Variants in UGT1A8 observed in about 807,000 individuals in gnomAD.
UGT1A8 encodes the protein UDP-glucuronosyltransferase 1A8.
A neutral mutation model predicts 45.3 loss-of-function variants in UGT1A8; 39 were observed. The observed-to-expected ratio is 0.86, with a 90% confidence interval of 0.67 to 1.12. The LOEUF is 1.12. Ranked by LOEUF, UGT1A8 falls within the 50% of genes most tolerant of loss-of-function variation. The probability of loss-of-function intolerance (pLI) is 0.00; values close to 1 mark genes in which losing one functional copy is unlikely to be tolerated. For missense variants in UGT1A8, 719 were observed against 664.9 expected (o/e 1.08, Z -0.90); for synonymous variants, 275 against 249.2 (o/e 1.10, Z -0.97).
chr2:233,729,743 C>T (rs748913597), intron 1 of UGT1A8: 1 of 1,613,994 alleles, frequency 6.2e-7, no homozygotes, highest in Non-Finnish European at 8.5e-7. Context: ...GACCACATGA[C>T]ATTCATGCAA....
At position 233,672,596 on chromosome 2, in the gene UGT1A8, A is replaced by C. The variant is rs774560649; in HGVS notation, c.855+54034A>C. The stretch of plus-strand genomic sequence containing the variant: ...CACTTGGAGGAACATTTATTATGCC[A>C]CCGTTTTTTCAAAAATGCCCTAGAA... On this transcript the variant is annotated intron_variant, in intron 1 of 4. Coordinates refer to ENST00000373450, the MANE Select transcript of UGT1A8 (RefSeq NM_019076.5). 11 of 1,613,858 alleles carry C rather than the reference A, an allele frequency of 6.8e-6. No individual in the cohort carries two copies. In the South Asian group the frequency reaches 1.2e-4, roughly 18 times the overall value.
intron 1 of UGT1A8, among the ~76,000 whole-genome samples, chr2:233,679,183 C>T (rs2074443042): frequency 6.6e-6 from 1 of 152,172 alleles, no homozygotes; most frequent in Admixed American, 6.5e-5. Context: ...ACCATTTTGA[C>T]ACCTTCAGTG....
At chr2:233,638,337 G>A (rs550600475) in intron 1 of UGT1A8, among the ~76,000 whole-genome samples, 1 of 152,122 alleles carries the variant, frequency 6.6e-6, no homozygotes, top group South Asian at 2.1e-4. Context: ...ACTGATTACT[G>A]GTAATTAAAA....
chr2:233,692,722 A>T, intron 1 of UGT1A8: 1 of 845,282 alleles, frequency 1.2e-6, no homozygotes, highest in African/African-American at 1.8e-5. Context: ...AAGTGTTGCT[A>T]TAACTTTTCA....
chr2:233,618,279 C>T lies in UGT1A8; in HGVS notation c.572C>T (p.Pro191Leu). The T allele has an allele frequency of 6.2e-7, 1 of 1,613,904 alleles. No individual in the cohort carries two copies. Among genetic ancestry groups the T allele is most frequent in the East Asian group, 2.2e-5 (1 of 44,870 alleles). Residue 191 changes from proline (P) to leucine (L), a missense_variant, in exon 1 of 5, where the codon CCC becomes CTC. Coordinates refer to ENST00000373450, the MANE Select transcript of UGT1A8 (RefSeq NM_019076.5). ...TGCCCTGCTCCTCTTTCCTATGTCC[C>T]CAGAATTCTCTTAGGGTTCTCAGAT... Reference protein sequence around the residue: ...AQCPAPLSYVPRILLGFSDAM... With the variant: ...AQCPAPLSYVLRILLGFSDAM...
intron 1 of UGT1A8, among the ~76,000 whole-genome samples, chr2:233,715,259 C>G (rs2076441984): frequency 6.6e-6 from 1 of 152,152 alleles, no homozygotes; most frequent in African/African-American, 2.4e-5. Context: ...AAAAAATCCC[C>G]TTACATAACA....
intron 1 of UGT1A8, among the ~76,000 whole-genome samples, chr2:233,643,697 G>A (rs1391133083): frequency 1.3e-5 from 2 of 152,122 alleles, no homozygotes; most frequent in Non-Finnish European, 2.9e-5. Context: ...GCTCACCAAG[G>A]CCCTTGACGT....
intron 1 of UGT1A8, among the ~76,000 whole-genome samples, chr2:233,647,233 A>G (rs954789315): frequency 6.6e-6 from 1 of 152,212 alleles, no homozygotes; most frequent in African/African-American, 2.4e-5. Flanking sequence ...GGGAGTTCCA[A>G]TTCAAGATGA....
At chr2:233,644,329 A>G (rs1257789893) in intron 1 of UGT1A8, among the ~76,000 whole-genome samples, 1 of 152,162 alleles carries the variant, frequency 6.6e-6, no homozygotes, top group Admixed American at 6.5e-5. Flanking sequence ...GCACTTAGGG[A>G]GGCTGAGGTG....
rs546323978 is a variant in UGT1A8, at chr2:233,743,185, G to C, written c.856-23849G>C. On this transcript the variant is annotated intron_variant, in intron 1 of 4. Transcript: ENST00000373450. ...TGTGCTTAAAGTCAAATGTGGACTG[G>C]AATTACTTGGTGTCAATGCGGAGTA... 3 of 372,746 alleles carry C rather than the reference G, an allele frequency of 8.0e-6. No homozygotes were observed. The East Asian group carries it at 2.2e-4, about 27-fold the overall frequency. The allele number at this position is 372,746 out of a possible 1,614,324, so 23.1% of individuals were successfully genotyped here.
chr2:233,725,317 C>CT lies in UGT1A8; in HGVS notation c.856-41717_856-41716insT, dbSNP rs1559370683. Among the ~76,000 whole-genome samples, 2 of 37,458 alleles carry CT rather than the reference C, an allele frequency of 5.3e-5. 1 individual carries two copies. Among genetic ancestry groups the CT allele is most frequent in the African/African-American group, 6.3e-4 (2 of 3,170 alleles). 24.6% of individuals were successfully genotyped at this position (37,458 alleles called of 152,430 possible). A position where few individuals can be genotyped will look rare whatever the true frequency, so the allele number is the denominator to read the frequency against. On this transcript the variant is annotated intron_variant, in intron 1 of 4. Coordinates refer to ENST00000373450, the MANE Select transcript of UGT1A8 (RefSeq NM_019076.5). ...GCAGAGGCAGAGGCAGAGGCAGAGGCGCCTGGTCAACAATCTTAAGTCCAA... is the reference window on the plus strand; with the variant it reads ...GCAGAGGCAGAGGCAGAGGCAGAGGCTGCCTGGTCAACAATCTTAAGTCCAA...
chr2:233,761,671 C>T (rs1489520357), intron 1 of UGT1A8, among the ~76,000 whole-genome samples: 1 of 152,240 alleles, frequency 6.6e-6, no homozygotes, highest in Non-Finnish European at 1.5e-5. Flanking sequence ...ACCAGACAGT[C>T]AGGTTCTGAC....
chr2:233,636,483 G>C (rs769889731), intron 1 of UGT1A8: 1 of 1,590,210 alleles, frequency 6.3e-7, no homozygotes, highest in Non-Finnish European at 8.6e-7. Flanking sequence ...TATCATAGCA[G>C]CTTAGAATCC....
chr2:233,647,098 T>C (rs1439968510), intron 1 of UGT1A8, among the ~76,000 whole-genome samples: 1 of 152,136 alleles, frequency 6.6e-6, no homozygotes, highest in Non-Finnish European at 1.5e-5. Flanking sequence ...GCAGGAAAAC[T>C]TCCATTTTTA....
intron 1 of UGT1A8, among the ~76,000 whole-genome samples, chr2:233,718,425 G>A (rs963239673): frequency 6.6e-6 from 1 of 152,218 alleles, no homozygotes; most frequent in African/African-American, 2.4e-5. Context: ...GAGAACATGT[G>A]GTTGGGGACT....
intron 1 of UGT1A8, among the ~76,000 whole-genome samples, chr2:233,711,719 T>C (rs1470924587): frequency 6.6e-6 from 1 of 152,192 alleles, no homozygotes. Flanking sequence ...AAGCCTCAGC[T>C]TCACCAGCAA....
intron 1 of UGT1A8, among the ~76,000 whole-genome samples, chr2:233,649,706 A>G (rs2125474641): frequency 6.6e-6 from 1 of 152,266 alleles, no homozygotes; most frequent in Admixed American, 6.5e-5. Context: ...TCTGCTAAAG[A>G]TTTGGCTAAC....
chr2:233,716,991 C>T (rs976570789), intron 1 of UGT1A8, among the ~76,000 whole-genome samples: 2 of 152,184 alleles, frequency 1.3e-5, no homozygotes, highest in African/African-American at 2.4e-5. Flanking sequence ...TCCTGCTGTC[C>T]TCAGGGCCCC....
intron 1 of UGT1A8, among the ~76,000 whole-genome samples, chr2:233,645,512 G>A (rs1269381350): frequency 2.0e-5 from 3 of 152,200 alleles, no homozygotes; most frequent in African/African-American, 4.8e-5. Context: ...AAGCAAGTTA[G>A]TTACTTCCTA....
Sources: gnomAD v4.1 joint callset for allele counts (sites outside exome capture counted in the v4.1 genomes callset) on GRCh38, gnomAD v4.1.1 for gene constraint, MANE v1.5 for transcripts, NCBI Gene and HGNC (gene_info 2026-07-23, HGNC 2026-07-21) for gene names.